Variants in HUNK observed in about 807,000 individuals in gnomAD.
HUNK encodes the protein hormonally up-regulated Neu-associated kinase.
HUNK carries 21 observed loss-of-function variants against 61.0 expected under a neutral mutation model. The observed-to-expected ratio is 0.34, with a 90% CI of 0.24 to 0.50. The LOEUF (loss-of-function observed/expected upper bound fraction) is 0.50. Ranked by LOEUF, HUNK falls within the 20% of genes least tolerant of loss-of-function variation. The pLI, the probability that HUNK is intolerant of heterozygous loss-of-function variation, is 0.98. For missense variants in HUNK, 772 were observed against 945.7 expected (o/e 0.82, Z 2.41); for synonymous variants, 371 against 386.1 (o/e 0.96, Z 0.46).
intron 2 of HUNK, among the ~76,000 whole-genome samples, chr21:31,925,397 AT>A (rs2052653123): frequency 6.6e-6 from 1 of 152,240 alleles, no homozygotes; most frequent in Non-Finnish European, 1.5e-5. Context: ...CCTAGTAGGT[AT>A]CAGGTAAGTG....
chr21:31,974,740 T>C (rs2053036893), intron 7 of HUNK, 23 bp downstream of exon 7: 1 of 1,596,804 alleles, frequency 6.3e-7, no homozygotes, highest in Non-Finnish European at 8.5e-7. Flanking sequence ...CTAGAGGCGA[T>C]CGTCTCTGCT....
rs1306368081 is a variant in HUNK at position 31,873,532 on chromosome 21, G to C, written c.-143G>C. 7.2e-5 allele frequency: 42 copies of C among 581,524 alleles called. No homozygotes were observed. Among genetic ancestry groups the C allele is most frequent in the Non-Finnish European group, 8.9e-5 (41 of 460,756 alleles). 36.0% of individuals were successfully genotyped at this position (581,524 alleles called of 1,614,324 possible). A position where few individuals can be genotyped will look rare whatever the true frequency, so the allele number is the denominator to read the frequency against. ...GCGGCGCGGGGGGCGTGATCGCGGC[G>C]GCCCCGGGCTCTGGGTGCGGAGACC... On this transcript the variant is annotated 5_prime_UTR_variant, in exon 1 of 11. Transcript: ENST00000270112. This position sits in a 1 kb window ranked among gnomAD's most constrained non-coding sequence, Gnocchi z 6.1.
intron 1 of HUNK, among the ~76,000 whole-genome samples, chr21:31,910,745 T>G (rs569157840): frequency 8.7e-4 from 132 of 152,288 alleles, no homozygotes; most frequent in Non-Finnish European, 1.4e-3. Flanking sequence ...TGCCTCTGCC[T>G]CCCAAAGTGC....
chr21:32,002,852 T>C lies in HUNK; in HGVS notation c.*3668T>C, dbSNP rs147662510. On this transcript the variant is annotated 3_prime_UTR_variant, in exon 11 of 11. Coordinates refer to ENST00000270112, the MANE Select transcript of HUNK (RefSeq NM_014586.2). ...TGACATAGCTAGAAAGTGGAGAAGC[T>C]CACTGTTCACTGTGCAAAGCCCCAG... The C allele has an allele frequency of 4.6e-5, 7 of 152,336 alleles. No individual in the cohort carries two copies. The highest frequency in any genetic ancestry group is 1.3e-4 in the Admixed American group (2 of 15,298). 9.4% of individuals were successfully genotyped at this position (152,336 alleles called of 1,614,324 possible). A position where few individuals can be genotyped will look rare whatever the true frequency, so the allele number is the denominator to read the frequency against.
intron 8 of HUNK, among the ~76,000 whole-genome samples, chr21:31,989,351 A>G (rs997623453): frequency 1.2e-4 from 19 of 152,368 alleles, no homozygotes; most frequent in African/African-American, 4.6e-4. Context: ...GTCTTATTTC[A>G]AAATCTATAT....
intron 1 of HUNK, among the ~76,000 whole-genome samples, chr21:31,897,554 C>G (rs1442937311): frequency 2.6e-5 from 4 of 152,150 alleles, no homozygotes; most frequent in Non-Finnish European, 5.9e-5. Context: ...CCATAATGAC[C>G]TCATCTTAAC....
chr21:31,975,796 C>T (rs377573819), intron 7 of HUNK, among the ~76,000 whole-genome samples: 92 of 152,254 alleles, frequency 6.0e-4, no homozygotes, highest in Middle Eastern at 3.4e-3. Flanking sequence ...ATGATATTCT[C>T]GCTGGCATGG....
intron 1 of HUNK, among the ~76,000 whole-genome samples, chr21:31,874,593 C>CCTCATCACCCACCATT (rs2052245840): frequency 1.3e-5 from 2 of 151,680 alleles, no homozygotes; most frequent in Non-Finnish European, 2.9e-5. Flanking sequence ...ACCCCTGCCC[C>CCTCATCACCCACCATT]CTCATCACCC....
In HUNK at chr21:31,958,840, C is replaced by A; in HGVS notation, c.747-3C>A. Reference sequence around the variant, plus strand: ...GCTTTCATGTGTATGTCTCTCTTTTCAGAGGTGTGAACATGTATGCCATGT... The same window carrying A: ...GCTTTCATGTGTATGTCTCTCTTTTAAGAGGTGTGAACATGTATGCCATGT... On this transcript the variant is annotated splice_polypyrimidine_tract_variant and splice_region_variant and intron_variant, in intron 4 of 10. Transcript: ENST00000270112. 2 of 1,590,252 alleles carry A rather than the reference C, an allele frequency of 1.3e-6. No individual in the cohort carries two copies. Among genetic ancestry groups the A allele is most frequent in the Non-Finnish European group, 1.7e-6 (2 of 1,168,078 alleles).
At chr21:31,892,797 C>T (rs2052400571) in intron 1 of HUNK, among the ~76,000 whole-genome samples, 1 of 152,112 alleles carries the variant, frequency 6.6e-6, no homozygotes, top group Non-Finnish European at 1.5e-5. Flanking sequence ...CTTCCGTCAA[C>T]ACCTCCCTGA....
chr21:31,875,217 C>T (rs2052251584), intron 1 of HUNK, among the ~76,000 whole-genome samples: 2 of 152,222 alleles, frequency 1.3e-5, no homozygotes, highest in South Asian at 2.1e-4. Flanking sequence ...TGTGAAACCC[C>T]TGGTCACAGG....
chr21:31,985,774 G>A (rs2053128405), intron 8 of HUNK, among the ~76,000 whole-genome samples: 1 of 152,194 alleles, frequency 6.6e-6, no homozygotes, highest in Admixed American at 6.5e-5. Context: ...GCCAAAGGCA[G>A]AAGAGAGGTT....
chr21:31,992,292 C>G (rs1311264463), intron 9 of HUNK, among the ~76,000 whole-genome samples: 1 of 152,210 alleles, frequency 6.6e-6, no homozygotes, highest in African/African-American at 2.4e-5. Context: ...GGGTTTCCCC[C>G]TCCTGTAGGC....
In HUNK at chr21:31,878,113, G is replaced by C. The variant is rs544248731; in HGVS notation, c.261+4178G>C. Among the ~76,000 whole-genome samples, 4 of 151,838 alleles carry C rather than the reference G, an allele frequency of 2.6e-5. No individual in the cohort carries two copies. The East Asian group carries it at 7.8e-4, about 30-fold the overall frequency. ...GTCTCTAATAAAAATGCAAAAATTA[G>C]CCAGGTGTGGTGGTGCATACCTGTA... On this transcript the variant is annotated intron_variant, in intron 1 of 10. Transcript: ENST00000270112.
At chr21:31,971,090 T>G (rs998158321) in intron 6 of HUNK, among the ~76,000 whole-genome samples, 1 of 152,104 alleles carries the variant, frequency 6.6e-6, no homozygotes, top group Non-Finnish European at 1.5e-5. Context: ...TATTATTTAT[T>G]TATTTTGAGA....
chr21:31,906,464 TCG>T (rs1194444361), intron 1 of HUNK, among the ~76,000 whole-genome samples: 5 of 152,156 alleles, frequency 3.3e-5, no homozygotes. Context: ...AGAGAGAATC[TCG>T]CTCTGTCGCC....
intron 1 of HUNK, among the ~76,000 whole-genome samples, chr21:31,877,714 C>G (rs2052275112): frequency 1.3e-5 from 2 of 152,206 alleles, no homozygotes; most frequent in Non-Finnish European, 2.9e-5. Context: ...GTACCACTCT[C>G]TGGCTTTGAG....
intron 6 of HUNK, among the ~76,000 whole-genome samples, chr21:31,972,374 G>GCATGGTTT (rs2053017671): frequency 2.0e-5 from 3 of 152,150 alleles, no homozygotes; most frequent in African/African-American, 7.2e-5. Context: ...TTGGTTAAGT[G>GCATGGTTT]ATACTTGAAA....
chr21:31,886,770 C>G (rs569567430), intron 1 of HUNK, among the ~76,000 whole-genome samples: 1 of 151,978 alleles, frequency 6.6e-6, no homozygotes, highest in Admixed American at 6.6e-5. Context: ...TTCAGCCTCT[C>G]GAGTAGCTGA....
Sources: gnomAD v4.1 joint callset for allele counts (sites outside exome capture counted in the v4.1 genomes callset) on GRCh38, gnomAD v4.1.1 for gene constraint, Gnocchi (gnomAD v3.1) non-coding constraint, MANE v1.5 for transcripts, NCBI Gene and HGNC (gene_info 2026-07-23, HGNC 2026-07-21) for gene names.